The following EIF2B3 variants were observed in gnomAD, a reference collection of about 807,000 sequenced individuals.
The protein encoded by EIF2B3 is eukaryotic translation initiation factor 2B subunit gamma.
A neutral mutation model predicts 54.1 loss-of-function variants in EIF2B3; 20 were observed. That is an observed-to-expected ratio of 0.37 (90% CI 0.26 to 0.54). The LOEUF (loss-of-function observed/expected upper bound fraction) is 0.54, where lower values mean the gene tolerates loss of function less well. Among genes scored for constraint, EIF2B3 ranks in the 20% least tolerant of loss-of-function variants. The probability of loss-of-function intolerance (pLI) is 0.86; values close to 1 mark genes in which losing one functional copy is unlikely to be tolerated. For missense variants in EIF2B3, 448 were observed against 547.8 expected (o/e 0.82, Z 1.82); for synonymous variants, 153 against 188.1 (o/e 0.81, Z 1.52).
intron 8 of EIF2B3, among the ~76,000 whole-genome samples, chr1:44,879,198 T>A (rs1655299983): frequency 6.6e-6 from 1 of 152,080 alleles, no homozygotes; most frequent in Non-Finnish European, 1.5e-5. Flanking sequence ...CTCTTTACTG[T>A]CCCCCTCTCC....
At chr1:44,870,449 G>A (rs1654930723) in intron 10 of EIF2B3, among the ~76,000 whole-genome samples, 1 of 152,070 alleles carries the variant, frequency 6.6e-6, no homozygotes, top group Admixed American at 6.6e-5. Flanking sequence ...GGCTTCACCT[G>A]TCAACTCTCC....
rs113470749 is a variant in EIF2B3 at position 44,962,204 on chromosome 1, A to ACATCATCATCAT, written c.294+16099_294+16110dup. 8.2e-3 allele frequency among the ~76,000 whole-genome samples: 1,203 copies of ACATCATCATCAT among 146,418 alleles called. 11 individuals carry two copies. Among genetic ancestry groups the ACATCATCATCAT allele is most frequent in the African/African-American group, 0.016 (634 of 39,740 alleles). On this transcript the variant is annotated intron_variant, in intron 3 of 11. Transcript: ENST00000360403. ...CGAAACTCCGTCTCAATCATCATCAACATCATCATCATCATCATCATCATC... is the reference window on the plus strand; with the variant it reads ...CGAAACTCCGTCTCAATCATCATCAACATCATCATCATCATCATCATCATCATCATCATCATC...
chr1:44,851,938 A>G lies in EIF2B3; in HGVS notation c.1307-935T>C, dbSNP rs187007871. Reference sequence around the variant, plus strand: ...CTATTCTCCATTTTGCCAGTAAGCCATACTGTTTTAATCCCTTTTTTTTTT... The same window carrying G: ...CTATTCTCCATTTTGCCAGTAAGCCGTACTGTTTTAATCCCTTTTTTTTTT... On this transcript the variant is annotated intron_variant, in intron 11 of 11. Transcript: ENST00000360403. 3.4e-5 allele frequency among the ~76,000 whole-genome samples: 5 copies of G among 147,436 alleles called. No homozygotes were observed. The East Asian group carries it at 1.0e-3, about 31-fold the overall frequency.
At chr1:44,875,800 C>T in intron 8 of EIF2B3, 105 bp from the exon 9 acceptor site, 1 of 909,904 alleles carries the variant, frequency 1.1e-6, no homozygotes, top group Non-Finnish European at 1.8e-6. Context: ...CGGTCTCCCT[C>T]TCCCTCTCTT....
intron 1 of EIF2B3, among the ~76,000 whole-genome samples, chr1:44,983,868 G>A (rs977990013): frequency 1.3e-5 from 2 of 151,616 alleles, no homozygotes; most frequent in African/African-American, 2.4e-5. Flanking sequence ...CACCATACTT[G>A]GCTAATTCTT....
intron 11 of EIF2B3, among the ~76,000 whole-genome samples, chr1:44,853,026 G>A (rs1249658228): frequency 1.3e-5 from 2 of 152,146 alleles, no homozygotes; most frequent in African/African-American, 2.4e-5. Flanking sequence ...ATATGTTTAA[G>A]TTGTCCAAGA....
chr1:44,904,783 G>C (rs1278953465), intron 5 of EIF2B3, among the ~76,000 whole-genome samples: 2 of 152,166 alleles, frequency 1.3e-5, no homozygotes, highest in Non-Finnish European at 2.9e-5. Flanking sequence ...AAAGTGCTGG[G>C]ATTACAGGCA....
intron 5 of EIF2B3, among the ~76,000 whole-genome samples, chr1:44,924,734 T>C (rs1643819552): frequency 6.6e-6 from 1 of 152,148 alleles, no homozygotes; most frequent in Admixed American, 6.6e-5. Context: ...ATCATCTCAT[T>C]ACTGAACTTT....
intron 10 of EIF2B3, among the ~76,000 whole-genome samples, chr1:44,872,835 C>T (rs1044406195): frequency 5.9e-5 from 9 of 152,070 alleles, no homozygotes; most frequent in Non-Finnish European, 1.0e-4. Context: ...GTATAAATTC[C>T]TTGAGGGAAG....
chr1:44,907,424 G>A (rs2148920198), intron 5 of EIF2B3, among the ~76,000 whole-genome samples: 1 of 152,242 alleles, frequency 6.6e-6, no homozygotes, highest in African/African-American at 2.4e-5. Context: ...TGGGCGTGGT[G>A]GGGCGTGCCT....
At chr1:44,971,856 C>A (rs1222357441) in intron 3 of EIF2B3, among the ~76,000 whole-genome samples, 3 of 151,588 alleles carry the variant, frequency 2.0e-5, no homozygotes, top group Non-Finnish European at 2.9e-5. Flanking sequence ...CATGGTGAAA[C>A]CCCGTCTCTA....
chr1:44,859,048 C>T (rs1044911321), intron 10 of EIF2B3, among the ~76,000 whole-genome samples: 11 of 152,138 alleles, frequency 7.2e-5, no homozygotes. Flanking sequence ...CCTGTAATAC[C>T]AGCACTTTGG....
chr1:44,943,076 C>T (rs1357445585), intron 3 of EIF2B3, among the ~76,000 whole-genome samples: 2 of 152,014 alleles, frequency 1.3e-5, no homozygotes, highest in Non-Finnish European at 2.9e-5. Flanking sequence ...CCAGGATGGT[C>T]TTGATTTCCT....
chr1:44,856,522 T>C (rs1336799722), intron 11 of EIF2B3, among the ~76,000 whole-genome samples: 3 of 100,238 alleles, frequency 3.0e-5, no homozygotes, highest in Non-Finnish European at 5.8e-5. Context: ...CTCAAAAAAT[T>C]AAAATTAAAA....
intron 10 of EIF2B3, among the ~76,000 whole-genome samples, chr1:44,860,359 A>T (rs997787472): frequency 6.6e-6 from 1 of 152,170 alleles, no homozygotes; most frequent in African/African-American, 2.4e-5. Flanking sequence ...AGTAGTGTAA[A>T]CAATGACAAA....
At chr1:44,930,417 A>G (rs1280962830) in intron 4 of EIF2B3, among the ~76,000 whole-genome samples, 5 of 152,236 alleles carry the variant, frequency 3.3e-5, no homozygotes, top group African/African-American at 1.2e-4. Flanking sequence ...CCTATCCTTT[A>G]TATCTGGGCT....
chr1:44,945,719 A>G (rs1180553622), intron 3 of EIF2B3, among the ~76,000 whole-genome samples: 1 of 152,166 alleles, frequency 6.6e-6, no homozygotes, highest in Non-Finnish European at 1.5e-5. Context: ...TTAGAAAGAC[A>G]AGGAGACAAA....
intron 8 of EIF2B3, among the ~76,000 whole-genome samples, chr1:44,879,472 T>A (rs1298742613): frequency 6.6e-6 from 1 of 152,236 alleles, no homozygotes; most frequent in Non-Finnish European, 1.5e-5. Flanking sequence ...ATCAGAGTAA[T>A]GATTACAGAG....
intron 6 of EIF2B3, among the ~76,000 whole-genome samples, chr1:44,892,301 T>G (rs1655821760): frequency 6.6e-6 from 1 of 152,128 alleles, no homozygotes; most frequent in South Asian, 2.1e-4. Context: ...CTTTCTTGGC[T>G]GGGCCTGGTA....
Sources: gnomAD v4.1 joint callset for allele counts (sites outside exome capture counted in the v4.1 genomes callset) on GRCh38, gnomAD v4.1.1 for gene constraint, MANE v1.5 for transcripts, NCBI Gene and HGNC (gene_info 2026-07-23, HGNC 2026-07-21) for gene names.